The following TP53RK variants were observed in gnomAD, a reference collection of about 807,000 sequenced individuals.
TP53RK encodes the protein EKC/KEOPS complex subunit TP53RK.
A neutral mutation model predicts 14.9 loss-of-function variants in TP53RK; 17 were observed. The ratio of observed to expected loss-of-function variants is 1.14; its 90% CI spans 0.78 to 1.71. The LOEUF is 1.71. Ranked by LOEUF, TP53RK falls within the 40% of genes most tolerant of loss-of-function variation. The pLI is 0.00. For missense variants in TP53RK, 343 were observed against 332.0 expected, an observed-to-expected ratio of 1.03 and a Z score of -0.26; for synonymous variants, 131 against 138.0, an observed-to-expected ratio of 0.95 and a Z score of 0.36.
Position 46,686,393 on chromosome 20 carries a change from A to G in TP53RK, c.*360T>C, listed in dbSNP as rs564059028. 1.6e-4 allele frequency: 32 copies of G among 200,884 alleles called. No individual in the cohort carries two copies. The highest frequency in any genetic ancestry group is 6.4e-4 in the Admixed American group (12 of 18,860). 12.4% of individuals were successfully genotyped at this position (200,884 alleles called of 1,614,324 possible). ...CAACAACAAAAAAAAACACTGGGTT[A>G]GAGGGCCAGTAAGCTCAGCGAGTAT... On this transcript the variant is annotated 3_prime_UTR_variant, in exon 2 of 2. Coordinates refer to ENST00000372114, the MANE Select transcript of TP53RK (RefSeq NM_033550.4).
In TP53RK at chr20:46,686,658, C is replaced by T; in HGVS notation, c.*95G>A. 1 of 1,029,310 alleles carries T rather than the reference C, an allele frequency of 9.7e-7. No homozygotes were observed. Among genetic ancestry groups the T allele is most frequent in the Non-Finnish European group, 1.5e-6 (1 of 688,542 alleles). 63.8% of individuals were successfully genotyped at this position (1,029,310 alleles called of 1,614,324 possible). On this transcript the variant is annotated 3_prime_UTR_variant, in exon 2 of 2. Transcript: ENST00000372114. ...CACATACCACTTAAAAATATCTTAA[C>T]ACCTTTACTTAGATCTCATCTCATA...
Position 46,689,268 on chromosome 20 carries a change from A to G in TP53RK, c.147T>C (p.Arg49=). 4 of 1,538,068 alleles carry G rather than the reference A, an allele frequency of 2.6e-6. No individual in the cohort carries two copies. The highest frequency in any genetic ancestry group is 3.5e-6 in the Non-Finnish European group (4 of 1,148,598). Reference sequence around the variant, plus strand: ...CCGCCGCGCGGCCCTGGAAGCGGCCACGGAACACGCGCGCCTCGGCACCCT... The same window carrying G: ...CCGCCGCGCGGCCCTGGAAGCGGCCGCGGAACACGCGCGCCTCGGCACCCT... ...VKQGAEARVF[R]GRFQGRAAVI... The change falls in exon 1 of 2, where the codon CGT becomes CGC. Residue 49 remains arginine, a synonymous_variant. Transcript: ENST00000372114.
rs2063183410 is a variant in TP53RK at position 46,687,015 on chromosome 20, T to A, written c.500A>T (p.Asn167Ile). Residue 167 changes from asparagine to isoleucine, a missense_variant, in exon 2 of 2, where the codon AAC becomes ATC. Transcript: ENST00000372114. ...DLIHGDLTTS[N>I]MLLKPPLEQL... ...TTCCAGGGGGGGTTTCAGGAGCATGTTGGAGGTGGTGAGATCACCATGAAT... is the reference window on the plus strand; with the variant it reads ...TTCCAGGGGGGGTTTCAGGAGCATGATGGAGGTGGTGAGATCACCATGAAT... 2 of 1,614,028 alleles carry A rather than the reference T, an allele frequency of 1.2e-6. No individual in the cohort carries two copies. Among genetic ancestry groups the A allele is most frequent in the African/African-American group, 1.3e-5 (1 of 74,918 alleles).
chr20:46,687,726 G>T (rs2063187291), intron 1 of TP53RK, among the ~76,000 whole-genome samples: 1 of 152,224 alleles, frequency 6.6e-6, no homozygotes, highest in African/African-American at 2.4e-5. Flanking sequence ...AACTCAGGGA[G>T]CGTAAGTTGC....
At chr20:46,688,539 T>C (rs1416530937) in intron 1 of TP53RK, among the ~76,000 whole-genome samples, 1 of 152,242 alleles carries the variant, frequency 6.6e-6, no homozygotes, top group East Asian at 1.9e-4. Flanking sequence ...AATCCAACAT[T>C]TATTGGGCAC....
Position 46,686,824 on chromosome 20 carries a change from T to A in TP53RK, c.691A>T (p.Lys231Ter). 6.2e-7 allele frequency: 1 copy of A among 1,614,134 alleles called. No individual in the cohort carries two copies. The highest frequency in any genetic ancestry group is 8.5e-7 in the Non-Finnish European group (1 of 1,180,016). Residue 231 changes from lysine (K) to a stop codon, truncating the protein, a stop_gained, in exon 2 of 2, where the codon AAG becomes TAG. Transcript: ENST00000372114. LOFTEE classifies it high-confidence loss of function. ...FLKSYSTSSK[K>*]ARPVLKKLDE... ...AATTTTTTTAGCACTGGCCTGGCCT[T>A]TTTGGAGGAGGTGGAGTAGCTCTTC...
In TP53RK at chr20:46,689,274, C is replaced by T. The variant is rs931025216; in HGVS notation, c.141G>A (p.Val47=). 2 of 1,539,516 alleles carry T rather than the reference C, an allele frequency of 1.3e-6. No homozygotes were observed. Among genetic ancestry groups the T allele is most frequent in the South Asian group, 1.2e-5 (1 of 84,656 alleles). The change falls in exon 1 of 2, where the codon GTG becomes GTA. Residue 47 remains valine, a synonymous_variant. Coordinates refer to ENST00000372114, the MANE Select transcript of TP53RK (RefSeq NM_033550.4). ...ELVKQGAEAR[V]FRGRFQGRAA... ...CGCGGCCCTGGAAGCGGCCACGGAA[C>T]ACGCGCGCCTCGGCACCCTGCTTCA... is the stretch of plus-strand genomic sequence containing the variant.
In TP53RK at chr20:46,686,471, T is replaced by C. The variant is rs893747386; in HGVS notation, c.*282A>G. On this transcript the variant is annotated 3_prime_UTR_variant, in exon 2 of 2. Coordinates refer to ENST00000372114, the MANE Select transcript of TP53RK (RefSeq NM_033550.4). ...ACAAGGACTAAAAAGAGAATAATGT[T>C]CTCATTATGTGGTTCAATGCCACAC... is the stretch of plus-strand genomic sequence containing the variant. 44 of 368,586 alleles carry C rather than the reference T, an allele frequency of 1.2e-4. No individual in the cohort carries two copies. The highest frequency in any genetic ancestry group is 1.6e-4 in the Non-Finnish European group (32 of 202,506). The allele number at this position is 368,586 out of a possible 1,614,324, so 22.8% of individuals were successfully genotyped here.
In TP53RK at chr20:46,687,539, C is replaced by T. The variant is rs900136648; in HGVS notation, c.284-308G>A. ...TCTAAAAAACAAACAAAACAAAGGC[C>T]GGGTGTGGTGGCTCATGCCTGTAAT... On this transcript the variant is annotated intron_variant, in intron 1 of 1. Coordinates refer to ENST00000372114, the MANE Select transcript of TP53RK (RefSeq NM_033550.4). 3.3e-5 allele frequency among the ~76,000 whole-genome samples: 5 copies of T among 152,222 alleles called. No homozygotes were observed. In the East Asian group the frequency reaches 5.8e-4, roughly 18 times the overall value.
In TP53RK at chr20:46,689,336, C is replaced by A; in HGVS notation, c.79G>T (p.Glu27Ter). Residue 27 changes from glutamate (E) to a stop codon, truncating the protein, a stop_gained, in exon 1 of 2, where the codon GAG becomes TAG. Transcript: ENST00000372114. LOFTEE classifies it high-confidence loss of function. ...CCGCTCAAGAAGCGGCTGCTCCGCT[C>A]CCGGGCTGCGGCCAGAGCCTCAGCC... ...PEAEALAAAR[E>*]RSSRFLSGLE... is the part of the protein sequence containing the mutation. The A allele has an allele frequency of 6.4e-7, 1 of 1,565,402 alleles. No individual in the cohort carries two copies. The highest frequency in any genetic ancestry group is 2.4e-5 in the East Asian group (1 of 42,074).
Position 46,686,489 on chromosome 20 carries a change from T to C in TP53RK, c.*264A>G. ...ATAATGTTCTCATTATGTGGTTCAA[T>C]GCCACACCCATGTATCTGAGATATA... is the stretch of plus-strand genomic sequence containing the variant. On this transcript the variant is annotated 3_prime_UTR_variant, in exon 2 of 2. Coordinates refer to ENST00000372114, the MANE Select transcript of TP53RK (RefSeq NM_033550.4). 2 of 462,208 alleles carry C rather than the reference T, an allele frequency of 4.3e-6. No individual in the cohort carries two copies. Among genetic ancestry groups the C allele is most frequent in the Middle Eastern group, 6.0e-4 (1 of 1,664 alleles). 28.6% of individuals were successfully genotyped at this position (462,208 alleles called of 1,614,324 possible).
chr20:46,687,139 T>C lies in TP53RK; in HGVS notation c.376A>G (p.Ile126Val), dbSNP rs1480475523. 6.2e-7 allele frequency: 1 copy of C among 1,614,006 alleles called. No homozygotes were observed. The highest frequency in any genetic ancestry group is 1.3e-5 in the African/African-American group (1 of 74,908). ...IEGSVTVRDYIQSTMETEKTP... is the reference protein window; with the variant it reads ...IEGSVTVRDYVQSTMETEKTP... The stretch of plus-strand genomic sequence containing the variant: ...TTTTCAGTCTCCATAGTGGACTGAA[T>C]ATAATCTCGAACAGTCACTGAGCCT... The change falls in exon 2 of 2, where the codon ATT becomes GTT. Residue 126 changes from isoleucine (I) to valine (V), a missense_variant. Physicochemically the swap from Ile to Val is conservative, Grantham distance 29. Transcript: ENST00000372114.
In TP53RK at chr20:46,686,606, G is replaced by C; in HGVS notation, c.*147C>G. On this transcript the variant is annotated 3_prime_UTR_variant, in exon 2 of 2. Transcript: ENST00000372114. The stretch of plus-strand genomic sequence containing the variant: ...ACTTAGACACATAGTAAGCTCTTGA[G>C]TGAAGTGCAGATGATAATGACACGA... The C allele has an allele frequency of 1.4e-6, 1 of 721,816 alleles. No homozygotes were observed. Among genetic ancestry groups the C allele is most frequent in the Non-Finnish European group, 2.3e-6 (1 of 429,334 alleles). The allele number at this position is 721,816 out of a possible 1,614,324, so 44.7% of individuals were successfully genotyped here.
chr20:46,689,342 C>A lies in TP53RK; in HGVS notation c.73G>T (p.Ala25Ser), dbSNP rs758415773. The change falls in exon 1 of 2, where the codon GCC becomes TCC. Residue 25 changes from alanine to serine, a missense_variant. Transcript: ENST00000372114. ...AAGAAGCGGCTGCTCCGCTCCCGGG[C>A]TGCGGCCAGAGCCTCAGCCTCCGGG... ...PAPEAEALAA[A>S]RERSSRFLSG... 3.2e-6 allele frequency: 5 copies of A among 1,567,810 alleles called. No homozygotes were observed. The Admixed American group carries it at 5.4e-5, about 17-fold the overall frequency.
intron 1 of TP53RK, 77 bp downstream of exon 1, chr20:46,689,055 G>A (rs2063194469): frequency 1.5e-6 from 2 of 1,303,444 alleles, no homozygotes; most frequent in Non-Finnish European, 9.8e-7. Flanking sequence ...TCCAGCTTCG[G>A]AGCGCAGGGG....
Position 46,686,950 on chromosome 20 carries a change from T to C in TP53RK, c.565A>G (p.Ile189Val). The part of the protein sequence containing the change: ...IVLIDFGLSF[I>V]SALPEDKGVD... ...CCCTTATCCTCTGGAAGTGCTGAAA[T>C]GAAACTCAGCCCAAAGTCTATGAGC... is the stretch of plus-strand genomic sequence containing the variant. Residue 189 changes from isoleucine (I) to valine (V), a missense_variant, in exon 2 of 2, where the codon ATT becomes GTT. Physicochemically the swap from Ile to Val is conservative, Grantham distance 29. Transcript: ENST00000372114. 6.2e-7 allele frequency: 1 copy of C among 1,614,122 alleles called. No homozygotes were observed. Among genetic ancestry groups the C allele is most frequent in the Non-Finnish European group, 8.5e-7 (1 of 1,180,018 alleles).
Position 46,686,654 on chromosome 20 carries a change from T to G in TP53RK, c.*99A>C. The G allele has an allele frequency of 2.0e-6, 2 of 1,014,352 alleles. No individual in the cohort carries two copies. The highest frequency in any genetic ancestry group is 3.0e-6 in the Non-Finnish European group (2 of 675,906). 62.8% of individuals were successfully genotyped at this position (1,014,352 alleles called of 1,614,324 possible). A position where few individuals can be genotyped will look rare whatever the true frequency, so the allele number is the denominator to read the frequency against. On this transcript the variant is annotated 3_prime_UTR_variant, in exon 2 of 2. Coordinates refer to ENST00000372114, the MANE Select transcript of TP53RK (RefSeq NM_033550.4). ...CGATCACATACCACTTAAAAATATC[T>G]TAACACCTTTACTTAGATCTCATCT...
rs1424760435 is a variant in TP53RK, at chr20:46,689,163, C to G, written c.252G>C (p.Glu84Asp). The G allele has an allele frequency of 2.0e-6, 3 of 1,505,326 alleles. No individual in the cohort carries two copies. The highest frequency in any genetic ancestry group is 5.1e-5 in the East Asian group (2 of 39,436). The allele number at this position is 1,505,326 out of a possible 1,614,324, so 93.2% of individuals were successfully genotyped here. A position where few individuals can be genotyped will look rare whatever the true frequency, so the allele number is the denominator to read the frequency against. ...ARLGRRRTVQ[E>D]ARALLRCRRA... ...GGCGACAGCGGAGGAGCGCCCGGGCCTCCTGCACCGTCCGCCGTCTGCCAA... is the reference window on the plus strand; with the variant it reads ...GGCGACAGCGGAGGAGCGCCCGGGCGTCCTGCACCGTCCGCCGTCTGCCAA... The change falls in exon 1 of 2, where the codon GAG (glutamate) becomes GAC (aspartate). Residue 84 changes from glutamate to aspartate, a missense_variant. Coordinates refer to ENST00000372114, the MANE Select transcript of TP53RK (RefSeq NM_033550.4).
chr20:46,689,330 TC>T lies in TP53RK; in HGVS notation c.84del (p.Ser29AlafsTer5), dbSNP rs764090707. On this transcript the variant is annotated frameshift_variant, in exon 1 of 2. Transcript: ENST00000372114. LOFTEE classifies it high-confidence loss of function. ...EAEALAAARE[R>X]SSRFLSGLEL... ...TCCAGGCCGCTCAAGAAGCGGCTGCTCCGCTCCCGGGCTGCGGCCAGAGCCT... is the reference window on the plus strand; with the variant it reads ...TCCAGGCCGCTCAAGAAGCGGCTGCTCGCTCCCGGGCTGCGGCCAGAGCCT... The T allele has an allele frequency of 1.9e-6, 3 of 1,562,738 alleles. No homozygotes were observed. In the East Asian group the frequency reaches 7.1e-5, roughly 37 times the overall value.
Sources: allele counts gnomAD v4.1 joint callset (sites outside exome capture counted in the v4.1 genomes callset), GRCh38; gene constraint gnomAD v4.1.1; transcripts MANE v1.5; gene names NCBI Gene and HGNC (gene_info 2026-07-23, HGNC 2026-07-21).